Variants in DYNLRB1 observed in about 807,000 individuals in gnomAD.
DYNLRB1 encodes the protein ROBL/LC7-like 1.
A neutral mutation model predicts 13.5 loss-of-function variants in DYNLRB1; 6 were observed. The ratio of observed to expected loss-of-function variants is 0.44; its 90% CI spans 0.24 to 0.88. DYNLRB1 has a LOEUF of 0.88. Among genes scored for constraint, DYNLRB1 ranks in the 40% least tolerant of loss-of-function variants. The probability of loss-of-function intolerance (pLI) is 0.21; values close to 1 mark genes in which losing one functional copy is unlikely to be tolerated. For synonymous variants in DYNLRB1, 43 were observed against 45.0 expected, an observed-to-expected ratio of 0.96 and a Z score of 0.18; for missense variants, 93 against 127.2, an observed-to-expected ratio of 0.73 and a Z score of 1.29.
intron 3 of DYNLRB1, 124 bp downstream of exon 3, chr20:34,534,919 A>G: frequency 6.5e-7 from 1 of 1,543,756 alleles, no homozygotes; most frequent in South Asian, 1.2e-5. Flanking sequence ...AGTTGAAGGA[A>G]TTGGGTTGTT....
At chr20:34,530,839 C>A (rs972431280) in intron 2 of DYNLRB1, 1 of 152,206 alleles carries the variant, frequency 6.6e-6, no homozygotes, top group Non-Finnish European at 1.5e-5. Context: ...TTGAGGACAC[C>A]CTCACTGATC....
chr20:34,517,057 G>A (rs1979288064), intron 1 of DYNLRB1, among the ~76,000 whole-genome samples: 2 of 152,114 alleles, frequency 1.3e-5, no homozygotes, highest in Non-Finnish European at 2.9e-5. Flanking sequence ...TCAGGAACGG[G>A]CGGGGTCTGC....
At position 34,516,996 on chromosome 20, in the gene DYNLRB1, C is replaced by G; in HGVS notation, c.3+535C>G. 2.4e-6 allele frequency: 3 copies of G among 1,254,352 alleles called. No individual in the cohort carries two copies. In the South Asian group the frequency reaches 8.8e-5, roughly 37 times the overall value. The allele number at this position is 1,254,352 out of a possible 1,614,324, so 77.7% of individuals were successfully genotyped here. ...ATTTGAACCCTAGAAGCTTGACGGC[C>G]GCCACTCTGTCGGCGTGGTTCTTTC... On this transcript the variant is annotated intron_variant, in intron 1 of 3. Transcript: ENST00000357156.
intron 3 of DYNLRB1, among the ~76,000 whole-genome samples, chr20:34,537,273 ACAGAG>A (rs1467657059): frequency 5.9e-5 from 9 of 152,172 alleles, no homozygotes; most frequent in Non-Finnish European, 1.3e-4. Context: ...AGCTTGTCTT[ACAGAG>A]CATGCTTCTT....
At chr20:34,526,143 G>A in intron 1 of DYNLRB1, 125 bp from the exon 2 acceptor site, 1 of 994,466 alleles carries the variant, frequency 1.0e-6, no homozygotes, top group Non-Finnish European at 1.5e-6. Context: ...CTTTGAGGGT[G>A]TGCCAGGTGC....
rs1267330648 is a variant in DYNLRB1, at chr20:34,536,511, C to T, written c.247+1716C>T. On this transcript the variant is annotated intron_variant, in intron 3 of 3. Coordinates refer to ENST00000357156, the MANE Select transcript of DYNLRB1 (RefSeq NM_014183.4). ...CCTGTAATCCCAGCACTTTGGGAGG[C>T]CAAGGCAGGCGGATCACAAGGTCAG... 6.1e-6 allele frequency: 6 copies of T among 979,178 alleles called. No homozygotes were observed. In the East Asian group the frequency reaches 3.4e-4, roughly 56 times the overall value. 60.7% of individuals were successfully genotyped at this position (979,178 alleles called of 1,614,324 possible).
chr20:34,527,808 G>C (rs1337278030), intron 2 of DYNLRB1, among the ~76,000 whole-genome samples: 3 of 152,118 alleles, frequency 2.0e-5, no homozygotes, highest in Non-Finnish European at 2.9e-5. Flanking sequence ...GTCTCCTTCC[G>C]AAGGCCTTCC....
chr20:34,538,923 G>T (rs185838644), intron 3 of DYNLRB1, among the ~76,000 whole-genome samples: 271 of 152,346 alleles, frequency 1.8e-3, no homozygotes, highest in African/African-American at 6.3e-3. Context: ...CCTGGATTGG[G>T]CAAGCCCTTT....
intron 3 of DYNLRB1, 57 bp from the exon 4 acceptor site, chr20:34,540,524 G>A: frequency 6.6e-7 from 1 of 1,516,642 alleles, no homozygotes; most frequent in Non-Finnish European, 9.1e-7. Flanking sequence ...TTGCTTTCTT[G>A]TGTGTTTTTC....
chr20:34,517,989 C>CTAT (rs1370213639), intron 1 of DYNLRB1, among the ~76,000 whole-genome samples: 2 of 152,126 alleles, frequency 1.3e-5, no homozygotes, highest in Non-Finnish European at 2.9e-5. Flanking sequence ...CATAATTTAG[C>CTAT]TATTATGAAT....
At chr20:34,540,267 C>G (rs988580899) in intron 3 of DYNLRB1, among the ~76,000 whole-genome samples, 17 of 152,138 alleles carry the variant, frequency 1.1e-4, no homozygotes, top group South Asian at 8.3e-4. Context: ...GAACTGGAGT[C>G]CCCCCACCTG....
chr20:34,535,604 A>G (rs1981080422), intron 3 of DYNLRB1: 1 of 979,578 alleles, frequency 1.0e-6, no homozygotes, highest in Non-Finnish European at 1.2e-6. Flanking sequence ...TCTTTGCATT[A>G]TTACTTTTTT....
intron 3 of DYNLRB1, chr20:34,535,139 A>G (rs1981042740): frequency 1.0e-6 from 1 of 985,070 alleles, no homozygotes. Context: ...AAAGCTTCCC[A>G]GAAGAGGGGA....
rs1208219956 is a variant in DYNLRB1, at chr20:34,526,276, G to T, written c.12G>T (p.Val4=). The T allele has an allele frequency of 6.2e-7, 1 of 1,614,044 alleles. No homozygotes were observed. Among genetic ancestry groups the T allele is most frequent in the African/African-American group, 1.3e-5 (1 of 74,914 alleles). The change falls in exon 2 of 4, where the codon GTG becomes GTT. Residue 4 remains valine (V), a synonymous_variant. Coordinates refer to ENST00000357156, the MANE Select transcript of DYNLRB1 (RefSeq NM_014183.4). ...GTCTTGTTTTCTGGCAGGCAGAGGT[G>T]GAGGAGACACTGAAGCGACTGCAGA... is the stretch of plus-strand genomic sequence containing the variant. The part of the protein sequence containing the change: MAE[V]EETLKRLQSQ...
intron 2 of DYNLRB1, chr20:34,530,728 C>T (rs1980647748): frequency 6.6e-6 from 1 of 152,210 alleles, no homozygotes; most frequent in Admixed American, 6.5e-5. Context: ...CTGGAAGCTT[C>T]CATTAAAGAT....
chr20:34,535,225 A>C (rs892941185), intron 3 of DYNLRB1: 1 of 985,454 alleles, frequency 1.0e-6, no homozygotes, highest in Non-Finnish European at 1.2e-6. Context: ...GTTTGGAAGA[A>C]TATTCAGTGA....
chr20:34,526,476 T>A, intron 2 of DYNLRB1, 133 bp downstream of exon 2: 83 of 401,722 alleles, frequency 2.1e-4, no homozygotes, highest in Non-Finnish European at 3.2e-4. Context: ...TTTTAACACC[T>A]CCAGTGTTCT....
At chr20:34,516,382 A>C (rs1185686477), upstream of DYNLRB1, 3 of 1,590,098 alleles carry the variant, frequency 1.9e-6, no homozygotes, top group Non-Finnish European at 2.6e-6. Context: ...CCGTTTTGAC[A>C]GAAACCTTTG....
intron 3 of DYNLRB1, chr20:34,536,640 G>A (rs1981164220): frequency 4.1e-6 from 1 of 244,022 alleles, no homozygotes; most frequent in Non-Finnish European, 6.6e-6. Context: ...AGGTACTTGG[G>A]ACGCTGAGGC....
Sources: allele counts gnomAD v4.1 joint callset (sites outside exome capture counted in the v4.1 genomes callset), GRCh38; gene constraint gnomAD v4.1.1; transcripts MANE v1.5; gene names NCBI Gene and HGNC (gene_info 2026-07-23, HGNC 2026-07-21).